Variants in NOX4 observed in about 807,000 individuals in gnomAD.
NOX4 encodes NADPH oxidase 4.
A neutral mutation model predicts 87.6 loss-of-function variants in NOX4; 69 were observed. The observed-to-expected ratio is 0.79, with a 90% confidence interval of 0.65 to 0.96. The LOEUF (loss-of-function observed/expected upper bound fraction) is 0.96. Among genes scored for constraint, NOX4 ranks in the 40% least tolerant of loss-of-function variants. NOX4 has a pLI of 0.00. For synonymous variants in NOX4, 275 were observed against 238.2 expected, an observed-to-expected ratio of 1.15 and a Z score of -1.42; for missense variants, 680 against 681.5, an observed-to-expected ratio of 1.00 and a Z score of 0.02.
rs1946806099 is a variant in NOX4 at position 89,490,505 on chromosome 11, G to A, written c.106C>T (p.Leu36=). Residue 36 remains leucine, a synonymous_variant, in exon 2 of 18, where the codon CTG becomes TTG. Transcript: ENST00000263317. ...TGATACTCTGGCCCTTGGTTATACA[G>A]CAAGAAGGTTTTCCAGAAAAGCAGG... The part of the protein sequence containing the change: ...NVLLFWKTFL[L]YNQGPEYHYL... The A allele has an allele frequency of 6.2e-7, 1 of 1,613,892 alleles. No individual in the cohort carries two copies. Among genetic ancestry groups the A allele is most frequent in the Non-Finnish European group, 8.5e-7 (1 of 1,179,946 alleles).
At chr11:89,472,359 T>A (rs776667103) in intron 2 of NOX4, among the ~76,000 whole-genome samples, 13 of 152,084 alleles carry the variant, frequency 8.5e-5, no homozygotes, top group Non-Finnish European at 1.6e-4. Context: ...TCATCTATAA[T>A]CTGCTTTTTT....
chr11:89,349,851 T>C (rs1041078420), intron 13 of NOX4, among the ~76,000 whole-genome samples: 2 of 152,322 alleles, frequency 1.3e-5, no homozygotes, highest in South Asian at 2.1e-4. Flanking sequence ...GATAAAATTA[T>C]ACCAGATGTA....
the NOX4 span, among the ~76,000 whole-genome samples, chr11:89,570,276 T>G: frequency 6.6e-6 from 1 of 152,156 alleles, no homozygotes; most frequent in Non-Finnish European, 1.5e-5. Context: ...CACCACATGT[T>G]CTCACTTATA....
At chr11:89,405,115 T>TGTGTGTGTGTGTGTGTGTG (rs58137988) in intron 8 of NOX4, among the ~76,000 whole-genome samples, 98 of 149,964 alleles carry the variant, frequency 6.5e-4, no homozygotes, top group South Asian at 1.3e-3. Flanking sequence ...TGTGTGTGTG[T>TGTGTGTGTGTGTGTGTGTG]TGGAATGGGG....
At chr11:89,537,659 C>T in the NOX4 span, among the ~76,000 whole-genome samples, 4 of 152,070 alleles carry the variant, frequency 2.6e-5, no homozygotes, top group East Asian at 5.8e-4. Flanking sequence ...AGTAATGTCA[C>T]TTATCTAATG....
chr11:89,438,846 T>TTATATAATATATTATATATTATATATAA (rs1944285552), intron 6 of NOX4, among the ~76,000 whole-genome samples: 4 of 25,396 alleles, frequency 1.6e-4, no homozygotes, highest in African/African-American at 1.6e-4. Context: ...ATTATATATA[T>TTATATAATATATTATATATTATATATAA]TATATAATAT....
chr11:89,586,044 T>C, the NOX4 span, among the ~76,000 whole-genome samples: 1 of 152,228 alleles, frequency 6.6e-6, no homozygotes, highest in South Asian at 2.1e-4. Context: ...TTTTGGATCA[T>C]GTCATCAAAA....
At chr11:89,549,721 A>T in the NOX4 span, among the ~76,000 whole-genome samples, 1 of 152,064 alleles carries the variant, frequency 6.6e-6, no homozygotes, top group African/African-American at 2.4e-5. Context: ...ACTCCTACTT[A>T]TGAGTCAGAA....
At chr11:89,562,023 T>C in the NOX4 span, among the ~76,000 whole-genome samples, 1 of 152,164 alleles carries the variant, frequency 6.6e-6, no homozygotes, top group African/African-American at 2.4e-5. Context: ...GCAATGCCTG[T>C]TTTGTTAGAT....
intron 13 of NOX4, among the ~76,000 whole-genome samples, chr11:89,345,010 G>A (rs1946155270): frequency 6.6e-6 from 1 of 152,158 alleles, no homozygotes; most frequent in South Asian, 2.1e-4. Context: ...GGAGAGGATG[G>A]TATGGCAGTT....
intron 2 of NOX4, among the ~76,000 whole-genome samples, chr11:89,486,118 G>A (rs769025236): frequency 3.3e-5 from 5 of 151,410 alleles, no homozygotes; most frequent in Non-Finnish European, 7.4e-5. Flanking sequence ...TTTATTACGA[G>A]AATAATAACC....
the NOX4 span, among the ~76,000 whole-genome samples, chr11:89,541,579 T>C: frequency 6.6e-6 from 1 of 152,338 alleles, no homozygotes; most frequent in South Asian, 2.1e-4. Context: ...GCATAGTTGA[T>C]GCTGAATGCA....
chr11:89,583,036 T>A, the NOX4 span, among the ~76,000 whole-genome samples: 2 of 152,334 alleles, frequency 1.3e-5, no homozygotes, highest in African/African-American at 4.8e-5. Flanking sequence ...ATTAAAATAA[T>A]CTACATTTTA....
intron 6 of NOX4, among the ~76,000 whole-genome samples, chr11:89,439,413 GTAT>G (rs1944361474): frequency 6.6e-6 from 1 of 152,092 alleles, no homozygotes; most frequent in Non-Finnish European, 1.5e-5. Flanking sequence ...CAAGTGGCAA[GTAT>G]TATAAATCTA....
chr11:89,477,105 G>T (rs1946197381), intron 2 of NOX4, among the ~76,000 whole-genome samples: 1 of 152,068 alleles, frequency 6.6e-6, no homozygotes, highest in South Asian at 2.1e-4. Context: ...TACATTTATT[G>T]TGCACTTCAT....
chr11:89,378,275 C>T (rs1356455974), intron 11 of NOX4, among the ~76,000 whole-genome samples: 2 of 152,162 alleles, frequency 1.3e-5, no homozygotes, highest in South Asian at 2.1e-4. Context: ...TACATTTTCT[C>T]GTCCCTTCAT....
chr11:89,461,205 G>A (rs1945446716), intron 2 of NOX4, among the ~76,000 whole-genome samples: 1 of 151,936 alleles, frequency 6.6e-6, no homozygotes, highest in Non-Finnish European at 1.5e-5. Flanking sequence ...TATACCTAAT[G>A]TTAAATGACG....
chr11:89,402,927 C>T (rs1453571342), intron 8 of NOX4, among the ~76,000 whole-genome samples: 1 of 152,056 alleles, frequency 6.6e-6, no homozygotes, highest in Non-Finnish European at 1.5e-5. Flanking sequence ...TGCTAGATAT[C>T]CAAACATAAG....
At chr11:89,402,263 T>C (rs1409403681) in intron 9 of NOX4, 63 bp downstream of exon 9, 2 of 1,185,974 alleles carry the variant, frequency 1.7e-6, no homozygotes, top group Non-Finnish European at 2.5e-6. Flanking sequence ...CACATTTATA[T>C]GTGATGTTGA....
Sources: allele counts gnomAD v4.1 joint callset (sites outside exome capture counted in the v4.1 genomes callset), GRCh38; gene constraint gnomAD v4.1.1; transcripts MANE v1.5; gene names NCBI Gene and HGNC (gene_info 2026-07-23, HGNC 2026-07-21).